CCDC3: variants seen among roughly 807,000 people sequenced by gnomAD.
CCDC3 encodes the protein coiled-coil domain-containing protein 3.
CCDC3 carries 24 observed loss-of-function variants against 21.4 expected under a neutral mutation model. That is an observed-to-expected ratio of 1.12 (90% CI 0.81 to 1.58). The LOEUF is 1.58. CCDC3 is among the 40% of genes most tolerant of loss of function. The pLI is 0.00. For missense variants in CCDC3, 425 were observed against 360.9 expected (o/e 1.18, Z -1.44); for synonymous variants, 186 against 166.0 (o/e 1.12, Z -0.93).
At chr10:12,961,984 A>G (rs1169894697) in intron 2 of CCDC3, among the ~76,000 whole-genome samples, 1 of 152,210 alleles carries the variant, frequency 6.6e-6, no homozygotes, top group Non-Finnish European at 1.5e-5. Context: ...AGCCAGACAG[A>G]TGGGCAAACA....
intron 2 of CCDC3, among the ~76,000 whole-genome samples, chr10:12,916,970 T>C (rs1644420730): frequency 6.6e-6 from 1 of 151,986 alleles, no homozygotes; most frequent in Non-Finnish European, 1.5e-5. Flanking sequence ...AGAGCAGGCC[T>C]TTATGCCCAG....
intron 2 of CCDC3, among the ~76,000 whole-genome samples, chr10:12,946,102 C>T (rs948903040): frequency 6.6e-6 from 1 of 152,194 alleles, no homozygotes; most frequent in Non-Finnish European, 1.5e-5. Context: ...TTAAATGCGG[C>T]CACCCATTCT....
At chr10:13,026,961 A>G (rs1041720245) in intron 5 of CCDC3, among the ~76,000 whole-genome samples, 2 of 152,126 alleles carry the variant, frequency 1.3e-5, no homozygotes, top group African/African-American at 4.8e-5. Context: ...CAGATCTGAA[A>G]TTTCCTTTCC....
chr10:13,079,263 A>C (rs1410705235), intron 3 of CCDC3, among the ~76,000 whole-genome samples: 1 of 17,686 alleles, frequency 5.7e-5, no homozygotes, highest in Non-Finnish European at 1.5e-4. Context: ...CTCTCTCATG[A>C]GGAGGCACGC....
At chr10:12,955,367 T>C (rs1046574036) in intron 2 of CCDC3, among the ~76,000 whole-genome samples, 18 of 152,228 alleles carry the variant, frequency 1.2e-4, no homozygotes, top group African/African-American at 4.3e-4. Context: ...CTCCTGATCC[T>C]ACTCCAACAC....
At chr10:13,003,931 C>G (rs1330981185), upstream of CCDC3, among the ~76,000 whole-genome samples, 2 of 152,182 alleles carry the variant, frequency 1.3e-5, no homozygotes, top group African/African-American at 4.8e-5. Context: ...GCTTTTCTCC[C>G]CTGTAAGATC....
chr10:12,899,626 C>A (rs1237480142), intron 2 of CCDC3, among the ~76,000 whole-genome samples: 1 of 152,178 alleles, frequency 6.6e-6, no homozygotes, highest in Non-Finnish European at 1.5e-5. Context: ...AGGAACAAGA[C>A]AGCTCCGTGT....
At chr10:13,087,474 CT>C (rs1414224997) in intron 3 of CCDC3, among the ~76,000 whole-genome samples, 4 of 152,020 alleles carry the variant, frequency 2.6e-5, no homozygotes, top group African/African-American at 7.2e-5. Flanking sequence ...GCCCCTCTCC[CT>C]TCTCCATGTC....
chr10:13,097,464 A>C (rs185070789), intron 3 of CCDC3, among the ~76,000 whole-genome samples: 135 of 152,302 alleles, frequency 8.9e-4, no homozygotes, highest in African/African-American at 3.2e-3. Context: ...TGGCTCACAC[A>C]TGTAATCCCA....
intron 4 of CCDC3, among the ~76,000 whole-genome samples, chr10:13,063,545 A>G (rs1311289481): frequency 6.6e-6 from 1 of 152,150 alleles, no homozygotes; most frequent in Non-Finnish European, 1.5e-5. Context: ...TTTTATGTCT[A>G]CTTCACAGAT....
At chr10:13,032,670 A>C (rs1032347159) in intron 5 of CCDC3, among the ~76,000 whole-genome samples, 5 of 152,344 alleles carry the variant, frequency 3.3e-5, no homozygotes. Context: ...AATGTGCAAA[A>C]ATCACAAGCA....
intron 5 of CCDC3, among the ~76,000 whole-genome samples, chr10:13,009,791 C>T (rs1835963573): frequency 6.6e-6 from 1 of 152,144 alleles, no homozygotes. Flanking sequence ...AACTATAAAA[C>T]ATCTAGGAGG....
chr10:13,070,761 T>C (rs1341733107), intron 4 of CCDC3, among the ~76,000 whole-genome samples: 2 of 152,250 alleles, frequency 1.3e-5, no homozygotes, highest in African/African-American at 4.8e-5. Flanking sequence ...TGCTGCACTT[T>C]ATGCAAATAA....
At chr10:13,098,038 A>T (rs1024535993) in intron 3 of CCDC3, among the ~76,000 whole-genome samples, 30 of 152,236 alleles carry the variant, frequency 2.0e-4, no homozygotes, top group African/African-American at 6.3e-4. Context: ...GAGGAAGGGT[A>T]AGATGAAGTA....
intron 2 of CCDC3, among the ~76,000 whole-genome samples, chr10:12,942,489 G>T (rs566147309): frequency 1.1e-4 from 17 of 152,298 alleles, no homozygotes; most frequent in African/African-American, 4.1e-4. Context: ...AGCTTGCACG[G>T]GTGAATGCTG....
rs112093594 is a variant in CCDC3, at chr10:13,078,116, A to C, written c.-502-4016T>G. On this transcript the variant is annotated intron_variant, in intron 3 of 6. Coordinates refer to the CCDC3 transcript ENST00000378839. ...AATTTTTACAATCTACCCATCTGAC[A>C]AAGGGTTAATATCCAGAATCTACAA... Among the ~76,000 whole-genome samples the C allele has an allele frequency of 3.9e-3, 587 of 152,362 alleles. 4 individuals carry two copies. The highest frequency in any genetic ancestry group is 0.013 in the African/African-American group (549 of 41,588).
intron 2 of CCDC3, among the ~76,000 whole-genome samples, chr10:12,943,434 A>T (rs900034226): frequency 6.6e-6 from 1 of 152,230 alleles, no homozygotes; most frequent in Non-Finnish European, 1.5e-5. Flanking sequence ...TTTCCCTTTT[A>T]ACAAAAAGCA....
intron 2 of CCDC3, among the ~76,000 whole-genome samples, chr10:12,986,035 C>G (rs1466326672): frequency 6.6e-6 from 1 of 152,162 alleles, no homozygotes; most frequent in African/African-American, 2.4e-5. Flanking sequence ...GCCACCACGC[C>G]CAGTTAACTT....
intron 4 of CCDC3, among the ~76,000 whole-genome samples, chr10:13,063,934 G>A (rs1289689280): frequency 6.7e-6 from 1 of 149,426 alleles, no homozygotes. Flanking sequence ...TGTTGTTGAT[G>A]TTGTTGTTTT....
Sources: gnomAD v4.1 joint callset for allele counts (sites outside exome capture counted in the v4.1 genomes callset) on GRCh38, gnomAD v4.1.1 for gene constraint, MANE v1.5 for transcripts, NCBI Gene and HGNC (gene_info 2026-07-23, HGNC 2026-07-21) for gene names.